TSHZ2: variants seen among roughly 807,000 people sequenced by gnomAD.
The protein encoded by TSHZ2 is teashirt homolog 2.
A neutral mutation model predicts 74.4 loss-of-function variants in TSHZ2; 21 were observed. The observed-to-expected ratio is 0.28, with a 90% confidence interval of 0.20 to 0.41. The LOEUF (loss-of-function observed/expected upper bound fraction) is 0.41. TSHZ2 is among the 10% of genes least tolerant of loss of function. TSHZ2 has a pLI of 1.00. For synonymous variants in TSHZ2, 540 were observed against 515.3 expected (o/e 1.05, Z -0.65); for missense variants, 1,244 against 1,293.5 (o/e 0.96, Z 0.59).
chr20:53,471,870 G>A (rs991136580), intron 2 of TSHZ2, among the ~76,000 whole-genome samples: 4 of 139,140 alleles, frequency 2.9e-5, no homozygotes, highest in African/African-American at 5.4e-5. Flanking sequence ...ACAATGGCAT[G>A]ATCTCGGCTC....
chr20:53,028,316 T>A (rs1009848335), intron 1 of TSHZ2, among the ~76,000 whole-genome samples: 1 of 152,234 alleles, frequency 6.6e-6, no homozygotes, highest in South Asian at 2.1e-4. Flanking sequence ...ATCCTCAGAA[T>A]GAACTCCTTC....
At chr20:53,463,457 A>AGAAGGGAGGGAG (rs1985461548) in intron 2 of TSHZ2, among the ~76,000 whole-genome samples, 1 of 135,880 alleles carries the variant, frequency 7.4e-6, no homozygotes, top group Non-Finnish European at 1.6e-5. Flanking sequence ...GAAGGAAGGA[A>AGAAGGGAGGGAG]GGAAGGTTGG....
intron 1 of TSHZ2, among the ~76,000 whole-genome samples, chr20:53,243,353 A>T (rs1168367166): frequency 6.6e-6 from 1 of 152,224 alleles, no homozygotes; most frequent in Non-Finnish European, 1.5e-5. Context: ...TCATCACTGC[A>T]TGCATGTTCA....
chr20:53,081,497 A>G (rs1030581421), intron 1 of TSHZ2, among the ~76,000 whole-genome samples: 3 of 152,162 alleles, frequency 2.0e-5, no homozygotes, highest in African/African-American at 7.2e-5. Flanking sequence ...AAACACACAC[A>G]TACCTCAAAC....
intron 2 of TSHZ2, among the ~76,000 whole-genome samples, chr20:53,347,503 C>T (rs1980483101): frequency 6.6e-6 from 1 of 152,192 alleles, no homozygotes; most frequent in Non-Finnish European, 1.5e-5. Context: ...CACCCCCCAA[C>T]TCCTTATTCA....
intron 1 of TSHZ2, among the ~76,000 whole-genome samples, chr20:53,153,597 T>C (rs1319757584): frequency 6.6e-6 from 1 of 152,168 alleles, no homozygotes; most frequent in Non-Finnish European, 1.5e-5. Context: ...GTCTAGAAAG[T>C]AGAAACTGCA....
intron 2 of TSHZ2, among the ~76,000 whole-genome samples, chr20:53,284,302 G>A (rs918323059): frequency 6.6e-6 from 1 of 152,134 alleles, no homozygotes; most frequent in Non-Finnish European, 1.5e-5. Flanking sequence ...GTCTGTTCGT[G>A]CATAGTTAAT....
intron 2 of TSHZ2, among the ~76,000 whole-genome samples, chr20:53,475,197 G>C (rs1470905839): frequency 7.2e-6 from 1 of 138,484 alleles, no homozygotes; most frequent in Non-Finnish European, 1.5e-5. Flanking sequence ...CAAATCAACA[G>C]AATATACATT....
At chr20:53,190,126 TATATATATATA>T (rs1568803470) in intron 1 of TSHZ2, among the ~76,000 whole-genome samples, 3 of 99,406 alleles carry the variant, frequency 3.0e-5, no homozygotes, top group Non-Finnish European at 4.0e-5. Flanking sequence ...TATATATATA[TATATATATATA>T]TTTTCTTAAA....
At chr20:53,200,001 T>C (rs1027997180) in intron 1 of TSHZ2, among the ~76,000 whole-genome samples, 1 of 152,064 alleles carries the variant, frequency 6.6e-6, no homozygotes, top group Non-Finnish European at 1.5e-5. Flanking sequence ...AAAATAAAAC[T>C]CAGATGTGGA....
intron 1 of TSHZ2, among the ~76,000 whole-genome samples, chr20:53,177,977 C>A (rs1988385258): frequency 6.6e-6 from 1 of 152,186 alleles, no homozygotes; most frequent in Non-Finnish European, 1.5e-5. Flanking sequence ...GAAATGTTAG[C>A]TTTTGTCTCC....
chr20:53,345,208 A>C (rs577411170), intron 2 of TSHZ2, among the ~76,000 whole-genome samples: 1 of 152,332 alleles, frequency 6.6e-6, no homozygotes, highest in African/African-American at 2.4e-5. Context: ...GATATGGAGC[A>C]GGGCAGAGAG....
intron 1 of TSHZ2, among the ~76,000 whole-genome samples, chr20:53,141,172 G>A (rs930343654): frequency 6.6e-6 from 1 of 152,172 alleles, no homozygotes; most frequent in Non-Finnish European, 1.5e-5. Flanking sequence ...GCTGTCCCTC[G>A]GTGGATGGAG....
chr20:53,114,026 C>T (rs1447643716), intron 1 of TSHZ2, among the ~76,000 whole-genome samples: 11 of 149,996 alleles, frequency 7.3e-5, no homozygotes, highest in Middle Eastern at 6.8e-3. Context: ...TCTAGGAGTT[C>T]GTGGCTGCAG....
At chr20:53,050,103 G>GTGTA (rs1555819290) in intron 1 of TSHZ2, among the ~76,000 whole-genome samples, 3 of 116,058 alleles carry the variant, frequency 2.6e-5, no homozygotes, top group South Asian at 2.7e-4. Context: ...GTATATGTGT[G>GTGTA]TATATATATA....
At chr20:53,288,835 A>G (rs1206590667) in intron 2 of TSHZ2, among the ~76,000 whole-genome samples, 1 of 152,132 alleles carries the variant, frequency 6.6e-6, no homozygotes. Flanking sequence ...ATTTAATTCA[A>G]TGGTTTTGGG....
At chr20:53,283,106 T>C (rs1279907565) in intron 2 of TSHZ2, among the ~76,000 whole-genome samples, 1 of 152,230 alleles carries the variant, frequency 6.6e-6, no homozygotes, top group Non-Finnish European at 1.5e-5. Flanking sequence ...ACCAGTGTTA[T>C]CTCATTATTC....
At chr20:53,073,858 C>T (rs527645564) in intron 1 of TSHZ2, among the ~76,000 whole-genome samples, 1 of 152,004 alleles carries the variant, frequency 6.6e-6, no homozygotes, top group African/African-American at 2.4e-5. Context: ...TTCCACTGAC[C>T]TCAGTGTTTG....
At chr20:53,050,130 T>TATATATATATATATATATATATATAC (rs1555819319) in intron 1 of TSHZ2, among the ~76,000 whole-genome samples, 3 of 88,344 alleles carry the variant, frequency 3.4e-5, no homozygotes, top group African/African-American at 2.0e-4. Context: ...TATATACACA[T>TATATATATATATATATATATATATAC]ATATATATGT....
Sources: gnomAD v4.1 joint callset for allele counts (sites outside exome capture counted in the v4.1 genomes callset) on GRCh38, gnomAD v4.1.1 for gene constraint, MANE v1.5 for transcripts, NCBI Gene and HGNC (gene_info 2026-07-23, HGNC 2026-07-21) for gene names.